Variants in ANXA2 observed in about 807,000 individuals in gnomAD.
The protein encoded by ANXA2 is annexin II.
ANXA2 carries 28 observed loss-of-function variants against 47.3 expected under a neutral mutation model. That is an observed-to-expected ratio of 0.59 (90% CI 0.44 to 0.81). The LOEUF (loss-of-function observed/expected upper bound fraction) is 0.81. Among genes scored for constraint, ANXA2 ranks in the 40% least tolerant of loss-of-function variants. ANXA2 has a pLI of 0.00. For synonymous variants in ANXA2, 172 were observed against 155.5 expected, an observed-to-expected ratio of 1.11 and a Z score of -0.79; for missense variants, 384 against 414.3, an observed-to-expected ratio of 0.93 and a Z score of 0.64.
Position 60,352,576 on chromosome 15 carries a change from GC to G in ANXA2, c.589-101del, listed in dbSNP as rs2062366585. Reference sequence around the variant, plus strand: ...ACAAAAAAAGCTACACATTCAAAATGCCAAACGAGGAAAGATGATTATACTG... The same window carrying G: ...ACAAAAAAAGCTACACATTCAAAATGCAAACGAGGAAAGATGATTATACTG... On this transcript the variant is annotated intron_variant, in intron 8 of 12. Coordinates refer to ENST00000451270, the MANE Select transcript of ANXA2 (RefSeq NM_004039.3). The surrounding 1 kb of genome is among the most constrained non-coding windows in gnomAD (Gnocchi z 4.2). 1.2e-6 allele frequency: 1 copy of G among 805,352 alleles called. No homozygotes were observed. The highest frequency in any genetic ancestry group is 2.1e-6 in the Non-Finnish European group (1 of 484,028). 49.9% of individuals were successfully genotyped at this position (805,352 alleles called of 1,614,324 possible).
At chr15:60,350,267 C>T (rs187561081) in intron 11 of ANXA2, among the ~76,000 whole-genome samples, 11 of 152,216 alleles carry the variant, frequency 7.2e-5, no homozygotes, top group African/African-American at 2.7e-4. Context: ...CTGTAGTCAG[C>T]ACAGACTCCC....
chr15:60,380,597 G>A (rs956132099), intron 3 of ANXA2, among the ~76,000 whole-genome samples: 2 of 151,618 alleles, frequency 1.3e-5, no homozygotes, highest in Non-Finnish European at 2.9e-5. Flanking sequence ...AGAGGTGAGG[G>A]AGTTCGAGAC....
At chr15:60,363,410 T>C (rs2062546879) in intron 4 of ANXA2, among the ~76,000 whole-genome samples, 1 of 152,190 alleles carries the variant, frequency 6.6e-6, no homozygotes, top group African/African-American at 2.4e-5. Flanking sequence ...CTGCTGGTCA[T>C]GTCAATCCCA....
Position 60,361,029 on chromosome 15 carries a change from G to A in ANXA2, c.269C>T (p.Ala90Val), listed in dbSNP as rs147297902. 806 of 1,612,720 alleles carry A rather than the reference G, an allele frequency of 5.0e-4. 2 individuals are homozygous for A. The African/African-American group carries it at 5.5e-3, about 11-fold the overall frequency. Reference protein sequence around the residue: ...KKELASALKSALSGHLETVIL... With the variant: ...KKELASALKSVLSGHLETVIL... Reference sequence around the variant, plus strand: ...CACCGTCTCCAGGTGGCCAGATAAGGCTGACTTCAGTGCTGATGCAAGTTC... The same window carrying A: ...CACCGTCTCCAGGTGGCCAGATAAGACTGACTTCAGTGCTGATGCAAGTTC... Residue 90 changes from alanine to valine, a missense_variant, in exon 5 of 13, where the codon GCC becomes GTC. Physicochemically the swap from Ala to Val is moderately conservative, Grantham distance 64. Coordinates refer to ENST00000451270, the MANE Select transcript of ANXA2 (RefSeq NM_004039.3).
intron 3 of ANXA2, among the ~76,000 whole-genome samples, chr15:60,366,808 G>A (rs2062619402): frequency 7.3e-6 from 1 of 137,536 alleles, no homozygotes; most frequent in Non-Finnish European, 1.6e-5. Context: ...GAGGCGGGGG[G>A]GGGGGGGGTC....
intron 3 of ANXA2, 118 bp downstream of exon 3, chr15:60,382,224 A>G: frequency 1.4e-6 from 1 of 732,444 alleles, no homozygotes; most frequent in Non-Finnish European, 2.4e-6. Context: ...GATCTACTCC[A>G]TTAAAGCTCG....
At chr15:60,362,469 G>C (rs560319147) in intron 4 of ANXA2, among the ~76,000 whole-genome samples, 6 of 152,254 alleles carry the variant, frequency 3.9e-5, no homozygotes, top group Admixed American at 1.3e-4. Flanking sequence ...CCTCGCATCT[G>C]GCGTCTGCTA....
Position 60,354,741 on chromosome 15 carries a change from C to G in ANXA2, c.529-528G>C, listed in dbSNP as rs554915507. ...TGTGCCTTGCCATCAACAATCCCCC[C>G]CTTGATACCCAGTCCTGGCCTACAC... On this transcript the variant is annotated intron_variant, in intron 7 of 12. Coordinates refer to ENST00000451270, the MANE Select transcript of ANXA2 (RefSeq NM_004039.3). 4.8e-4 allele frequency among the ~76,000 whole-genome samples: 73 copies of G among 152,198 alleles called. 1 individual carries two copies. The Middle Eastern group carries it at 0.024, about 50-fold the overall frequency.
At chr15:60,355,715 T>C (rs757615415) in intron 7 of ANXA2, 2 of 630,806 alleles carry the variant, frequency 3.2e-6, no homozygotes, top group Non-Finnish European at 5.8e-6. Flanking sequence ...CAAAGTCCAC[T>C]TGTCCATGAG....
intron 3 of ANXA2, among the ~76,000 whole-genome samples, chr15:60,378,873 T>A (rs1366264524): frequency 2.0e-5 from 3 of 150,412 alleles, no homozygotes; most frequent in African/African-American, 7.4e-5. Flanking sequence ...GGCTGAGGCA[T>A]GAGAATAGCT....
At chr15:60,382,034 G>A (rs2062867639) in intron 3 of ANXA2, among the ~76,000 whole-genome samples, 2 of 123,310 alleles carry the variant, frequency 1.6e-5, no homozygotes, top group Non-Finnish European at 3.3e-5. Context: ...AAGGGAGGGA[G>A]GAAAGGAAAG....
intron 12 of ANXA2, 58 bp downstream of exon 12, chr15:60,349,017 G>T: frequency 6.3e-7 from 1 of 1,599,700 alleles, no homozygotes; most frequent in Non-Finnish European, 8.6e-7. Flanking sequence ...CAGGCCACCT[G>T]CCAGGGCCCG....
At chr15:60,382,569 G>A in intron 2 of ANXA2, 128 bp from the exon 3 acceptor site, 8 of 636,758 alleles carry the variant, frequency 1.3e-5, no homozygotes, top group Non-Finnish European at 1.6e-5. Context: ...TAGGTAACTA[G>A]GTAGGTATTA....
chr15:60,356,017 T>G lies in ANXA2; in HGVS notation c.449-19A>C, dbSNP rs2062424822. 8.2e-6 allele frequency: 13 copies of G among 1,587,822 alleles called. No individual in the cohort carries two copies. Among genetic ancestry groups the G allele is most frequent in the Non-Finnish European group, 1.1e-5 (13 of 1,156,464 alleles). ...TTGTACACTTGGAGGAAAATACATC[T>G]GGTTTTATGCTTTCTGCCTGTGTAG... is the stretch of plus-strand genomic sequence containing the variant. On this transcript the variant is annotated intron_variant, in intron 6 of 12. Coordinates refer to ENST00000451270, the MANE Select transcript of ANXA2 (RefSeq NM_004039.3).
intron 12 of ANXA2, 81 bp from the exon 13 acceptor site, chr15:60,347,770 G>T: frequency 8.4e-7 from 1 of 1,190,630 alleles, no homozygotes; most frequent in Non-Finnish European, 1.2e-6. Context: ...TAGCCTCAAC[G>T]CACAATGAAG....
chr15:60,352,783 A>G lies in ANXA2; in HGVS notation c.589-307T>C, dbSNP rs1788759599. ...TATTCATATAAAGAAGAACAAGTAA[A>G]TGTTCATTAACACATCTGGCCCTCC... On this transcript the variant is annotated intron_variant, in intron 8 of 12. Transcript: ENST00000451270. This position sits in a 1 kb window ranked among gnomAD's most constrained non-coding sequence, Gnocchi z 4.2. Among the ~76,000 whole-genome samples the G allele has an allele frequency of 6.6e-6, 1 of 152,174 alleles. No homozygotes were observed. Among genetic ancestry groups the G allele is most frequent in the Non-Finnish European group, 1.5e-5 (1 of 68,024 alleles).
At chr15:60,357,527 C>T (rs2062451157) in intron 5 of ANXA2, among the ~76,000 whole-genome samples, 2 of 152,228 alleles carry the variant, frequency 1.3e-5, no homozygotes, top group South Asian at 4.1e-4. Flanking sequence ...GGCACAGTGG[C>T]TCACGCCTGT....
intron 5 of ANXA2, among the ~76,000 whole-genome samples, chr15:60,358,522 G>A (rs536760718): frequency 3.9e-5 from 6 of 152,320 alleles, no homozygotes; most frequent in East Asian, 1.9e-4. Context: ...ACTTATTAGC[G>A]TTTATATGCC....
intron 3 of ANXA2, among the ~76,000 whole-genome samples, chr15:60,380,535 G>A (rs2062842518): frequency 6.6e-6 from 1 of 150,942 alleles, no homozygotes; most frequent in Non-Finnish European, 1.5e-5. Context: ...TGGGTGCGAC[G>A]GCTCATACCT....
Sources: gnomAD v4.1 joint callset for allele counts (sites outside exome capture counted in the v4.1 genomes callset) on GRCh38, gnomAD v4.1.1 for gene constraint, Gnocchi (gnomAD v3.1) non-coding constraint, MANE v1.5 for transcripts, NCBI Gene and HGNC (gene_info 2026-07-23, HGNC 2026-07-21) for gene names.